The following ATG7 variants were observed in gnomAD, a reference collection of about 807,000 sequenced individuals.
The protein encoded by ATG7 is autophagy related 7.
Under a neutral mutation model 82.4 loss-of-function variants are expected in ATG7, and 70 were observed. That is an observed-to-expected ratio of 0.85 (90% confidence interval 0.70 to 1.04). The LOEUF is 1.04. Among genes scored for constraint, ATG7 ranks in the 50% least tolerant of loss-of-function variants. The pLI is 0.00. For synonymous variants in ATG7, 287 were observed against 313.0 expected, an observed-to-expected ratio of 0.92 and a Z score of 0.88; for missense variants, 792 against 864.3, an observed-to-expected ratio of 0.92 and a Z score of 1.05.
At chr3:11,326,866 TA>T (rs1950957527) in intron 9 of ATG7, among the ~76,000 whole-genome samples, 1 of 152,234 alleles carries the variant, frequency 6.6e-6, no homozygotes, top group Non-Finnish European at 1.5e-5. Context: ...CCTCTTTTTT[TA>T]AATCTTACTT....
intron 7 of ATG7, 105 bp downstream of exon 7, chr3:11,309,166 T>C (rs1948238685): frequency 9.0e-7 from 1 of 1,110,138 alleles, no homozygotes; most frequent in South Asian, 1.3e-5. Context: ...TACTACCTTC[T>C]GTTACTTAAA....
intron 9 of ATG7, among the ~76,000 whole-genome samples, chr3:11,321,959 A>G (rs1950273403): frequency 6.6e-6 from 1 of 152,226 alleles, no homozygotes; most frequent in Non-Finnish European, 1.5e-5. Flanking sequence ...AAAGGAAGGC[A>G]TAAGAGAAGC....
At chr3:11,303,801 G>A (rs750773440) in intron 5 of ATG7, among the ~76,000 whole-genome samples, 1 of 151,556 alleles carries the variant, frequency 6.6e-6, no homozygotes, top group Non-Finnish European at 1.5e-5. Context: ...TCGGCCGGGC[G>A]CGGTGGCTCA....
intron 13 of ATG7, 141 bp downstream of exon 13, chr3:11,342,420 T>TTACAC: frequency 1.7e-6 from 2 of 1,160,908 alleles, no homozygotes; most frequent in Non-Finnish European, 2.4e-6. Context: ...TTCTTATCTT[T>TTACAC]TTAAGTGTAA....
intron 20 of ATG7, among the ~76,000 whole-genome samples, chr3:11,543,288 G>A (rs2070989680): frequency 2.6e-5 from 4 of 152,228 alleles, no homozygotes; most frequent in Admixed American, 1.3e-4. Flanking sequence ...GGTGTCATGG[G>A]GCAGTGCACG....
chr3:11,355,548 A>G (rs907055278), intron 14 of ATG7, among the ~76,000 whole-genome samples: 4 of 152,202 alleles, frequency 2.6e-5, no homozygotes, highest in Non-Finnish European at 5.9e-5. Context: ...TAAGGGGGAA[A>G]AAAGCTTGAA....
chr3:11,451,777 T>C (rs1181320572), intron 20 of ATG7, among the ~76,000 whole-genome samples: 1 of 140,582 alleles, frequency 7.1e-6, no homozygotes, highest in Non-Finnish European at 1.5e-5. Flanking sequence ...TATATATGTT[T>C]ATAGTCTCAA....
chr3:11,410,223 T>G (rs1277806443), intron 19 of ATG7, among the ~76,000 whole-genome samples: 3 of 152,234 alleles, frequency 2.0e-5, no homozygotes, highest in Non-Finnish European at 4.4e-5. Flanking sequence ...ATTTTTAGAT[T>G]GTCTCCAACT....
At position 11,451,841 on chromosome 3, in the gene ATG7, C is replaced by CTG. The variant is rs1338728556; in HGVS notation, c.2079+24916_2079+24917insGT. ...CAGGCTGCCCTGTCTCTCTCTATCTCTCTCTCTATATATATATACGCCTTT... is the reference window on the plus strand; with the variant it reads ...CAGGCTGCCCTGTCTCTCTCTATCTCTGTCTCTCTATATATATATACGCCTTT... On this transcript the variant is annotated intron_variant, in intron 20 of 20. Coordinates refer to ENST00000693202, the MANE Select transcript of ATG7 (RefSeq NM_001349232.2). Among the ~76,000 whole-genome samples, 90 of 149,828 alleles carry CTG rather than the reference C, an allele frequency of 6.0e-4. 1 individual carries two copies. Among genetic ancestry groups the CTG allele is most frequent in the African/African-American group, 2.1e-3 (86 of 40,726 alleles).
chr3:11,310,030 G>T lies in ATG7; in HGVS notation c.411+969G>T, dbSNP rs1032753053. Among the ~76,000 whole-genome samples the T allele has an allele frequency of 3.3e-5, 5 of 152,094 alleles. No homozygotes were observed. In the South Asian group the frequency reaches 8.3e-4, roughly 25 times the overall value. On this transcript the variant is annotated intron_variant, in intron 7 of 20. Transcript: ENST00000693202. Reference sequence around the variant, plus strand: ...AAAATATAAAAATTAGCTGGGTGTGGTGGCGCCTGCCTGTGGTTCCAGCTA... The same window carrying T: ...AAAATATAAAAATTAGCTGGGTGTGTTGGCGCCTGCCTGTGGTTCCAGCTA...
chr3:11,363,613 T>TG (rs2076413215), intron 17 of ATG7, among the ~76,000 whole-genome samples: 1 of 152,180 alleles, frequency 6.6e-6, no homozygotes, highest in African/African-American at 2.4e-5. Flanking sequence ...GCAGTTTTGA[T>TG]GGGGAAATCA....
intron 20 of ATG7, among the ~76,000 whole-genome samples, chr3:11,509,891 T>G (rs1017030708): frequency 2.0e-5 from 3 of 152,208 alleles, no homozygotes; most frequent in Non-Finnish European, 4.4e-5. Flanking sequence ...TTACTGGGTC[T>G]TGTGATTCAG....
At chr3:11,321,314 C>T (rs909242998) in intron 9 of ATG7, among the ~76,000 whole-genome samples, 8 of 152,088 alleles carry the variant, frequency 5.3e-5, no homozygotes, top group African/African-American at 1.9e-4. Context: ...AGGTACTGTT[C>T]ACTTGTGTGT....
intron 20 of ATG7, among the ~76,000 whole-genome samples, chr3:11,513,043 G>A (rs1224269041): frequency 1.3e-5 from 2 of 152,212 alleles, no homozygotes; most frequent in Non-Finnish European, 2.9e-5. Flanking sequence ...CCCAAATCCT[G>A]AGCTAGACAC....
chr3:11,504,831 T>A (rs2153067411), intron 20 of ATG7, among the ~76,000 whole-genome samples: 1 of 152,248 alleles, frequency 6.6e-6, no homozygotes, highest in Middle Eastern at 3.4e-3. Context: ...CAAAATAATG[T>A]CAACACTGGA....
At chr3:11,503,112 G>A (rs955315595) in intron 20 of ATG7, among the ~76,000 whole-genome samples, 9 of 152,130 alleles carry the variant, frequency 5.9e-5, no homozygotes, top group African/African-American at 1.9e-4. Flanking sequence ...AGGAGAGTGG[G>A]CAGTCCTTCT....
chr3:11,374,232 A>G (rs921825453), intron 18 of ATG7, among the ~76,000 whole-genome samples: 4 of 152,208 alleles, frequency 2.6e-5, no homozygotes, highest in Admixed American at 6.5e-5. Flanking sequence ...TGTAATCAAG[A>G]TAGTTAAGTA....
chr3:11,404,013 C>T (rs60756831), intron 19 of ATG7, among the ~76,000 whole-genome samples: 6,145 of 151,962 alleles, frequency 0.04, 408 homozygotes, highest in African/African-American at 0.14. Flanking sequence ...AAAGAAATCT[C>T]CCCCCCAGAT....
At chr3:11,364,126 A>G (rs948354977) in intron 17 of ATG7, among the ~76,000 whole-genome samples, 1 of 152,182 alleles carries the variant, frequency 6.6e-6, no homozygotes, top group Non-Finnish European at 1.5e-5. Context: ...GTATCACTCC[A>G]TTGTTCAGAG....
Sources: allele counts gnomAD v4.1 joint callset (sites outside exome capture counted in the v4.1 genomes callset), GRCh38; gene constraint gnomAD v4.1.1; transcripts MANE v1.5; gene names NCBI Gene and HGNC (gene_info 2026-07-23, HGNC 2026-07-21).